NRG1: variants seen among roughly 807,000 people sequenced by gnomAD.
NRG1 encodes neuregulin 1.
NRG1 carries 18 observed loss-of-function variants against 63.8 expected under a neutral mutation model. The ratio of observed to expected loss-of-function variants is 0.28; its 90% CI spans 0.19 to 0.42. The LOEUF (loss-of-function observed/expected upper bound fraction) is 0.42, where lower values mean the gene tolerates loss of function less well. Ranked by LOEUF, NRG1 falls within the 10% of genes least tolerant of loss-of-function variation. The pLI is 1.00. For synonymous variants in NRG1, 302 were observed against 301.3 expected (o/e 1.00, Z -0.02); for missense variants, 762 against 814.7 (o/e 0.94, Z 0.79).
Position 32,648,034 on chromosome 8 carries a change from A to G in NRG1, c.502+31149A>G, listed in dbSNP as rs2129546911. On this transcript the variant is annotated intron_variant, in intron 5 of 11. Coordinates refer to ENST00000356819, the Ensembl canonical transcript of NRG1. The stretch of plus-strand genomic sequence containing the variant: ...GTATTTGTGGACAAGATCTTTGAAT[A>G]TGACTCTCCTACTCACCTTGACCCT... 4.3e-6 allele frequency: 7 copies of G among 1,613,912 alleles called. No homozygotes were observed. The East Asian group carries it at 1.3e-4, about 31-fold the overall frequency.
intron 1 of NRG1, among the ~76,000 whole-genome samples, chr8:32,332,349 A>G (rs1802752564): frequency 6.6e-6 from 1 of 152,090 alleles, no homozygotes; most frequent in Non-Finnish European, 1.5e-5. Context: ...GGCCAAGTCC[A>G]TGCTCAGCAT....
intron 1 of NRG1, among the ~76,000 whole-genome samples, chr8:31,715,815 T>C (rs771695806): frequency 2.0e-5 from 3 of 152,132 alleles, no homozygotes; most frequent in Non-Finnish European, 4.4e-5. Context: ...AACTACTATA[T>C]GGATTGGGAT....
At chr8:31,989,253 C>CAAAAAAAAAAAAAAAAAAAAA (rs10692906) in intron 1 of NRG1, among the ~76,000 whole-genome samples, 76 of 47,476 alleles carry the variant, frequency 1.6e-3, no homozygotes, top group African/African-American at 2.3e-3. Context: ...GACTCTGTCT[C>CAAAAAAAAAAAAAAAAAAAAA]AAAAAAAAAA....
chr8:32,066,522 G>C lies in NRG1; in HGVS notation c.37+427091G>C, dbSNP rs546235643. On this transcript the variant is annotated intron_variant, in intron 1 of 10. Coordinates refer to the NRG1 transcript ENST00000519301. ...TAGATATGCAGCATTATTTCTGAGG[G>C]CTCTGTTCTGTTCCATTGGTCTATA... 3.2e-3 allele frequency among the ~76,000 whole-genome samples: 482 copies of C among 152,026 alleles called. 5 individuals carry two copies. The highest frequency in any genetic ancestry group is 0.011 in the African/African-American group (462 of 41,490).
intron 1 of NRG1, among the ~76,000 whole-genome samples, chr8:32,107,564 T>C (rs1470450276): frequency 6.6e-6 from 1 of 152,218 alleles, no homozygotes; most frequent in African/African-American, 2.4e-5. Flanking sequence ...TTCTTGATTT[T>C]TTTATTGTTA....
intron 1 of NRG1, among the ~76,000 whole-genome samples, chr8:31,933,852 A>G (rs879569441): frequency 3.3e-5 from 5 of 152,212 alleles, no homozygotes; most frequent in Admixed American, 6.5e-5. Flanking sequence ...CTTGTAGTCA[A>G]TAGTAACATT....
At chr8:32,224,962 T>C (rs553709737) in intron 1 of NRG1, among the ~76,000 whole-genome samples, 3 of 152,282 alleles carry the variant, frequency 2.0e-5, no homozygotes, top group South Asian at 4.1e-4. Context: ...TTCTGAGTCA[T>C]GATAAAGATG....
chr8:31,714,918 AT>A (rs893623529), intron 1 of NRG1, among the ~76,000 whole-genome samples: 10 of 151,716 alleles, frequency 6.6e-5, no homozygotes, highest in South Asian at 6.3e-4. Context: ...TAGCCTTGTG[AT>A]TTTTTTTTCT....
chr8:31,720,559 T>A lies in NRG1; in HGVS notation c.37+81128T>A, dbSNP rs148048231. On this transcript the variant is annotated intron_variant, in intron 1 of 10. Transcript: ENST00000519301. ...CGTGTCCATGTGTTCTCATCATTCATCTCCCACTTATGAGTGAGAACATGC... is the reference window on the plus strand; with the variant it reads ...CGTGTCCATGTGTTCTCATCATTCAACTCCCACTTATGAGTGAGAACATGC... Among the ~76,000 whole-genome samples the A allele has an allele frequency of 3.9e-3, 601 of 152,296 alleles. 8 individuals carry two copies. The highest frequency in any genetic ancestry group is 0.013 in the African/African-American group (525 of 41,566).
At chr8:32,618,615 T>A (rs1203762048) in intron 5 of NRG1, among the ~76,000 whole-genome samples, 1 of 152,172 alleles carries the variant, frequency 6.6e-6, no homozygotes, top group African/African-American at 2.4e-5. Flanking sequence ...AATGTGCCAT[T>A]TTCACACATC....
rs71992716 is a variant in NRG1 at position 31,840,349 on chromosome 8, C to CT, written c.37+200935dup. Among the ~76,000 whole-genome samples the CT allele has an allele frequency of 1.9e-3, 220 of 116,846 alleles. 3 individuals are homozygous for CT. The highest frequency in any genetic ancestry group is 5.1e-3 in the Admixed American group (53 of 10,328). The allele number at this position is 116,846 out of a possible 152,430, so 76.7% of individuals were successfully genotyped here. A position where few individuals can be genotyped will look rare whatever the true frequency, so the allele number is the denominator to read the frequency against. On this transcript the variant is annotated intron_variant, in intron 1 of 10. Transcript: ENST00000519301. ...AAAGGTCAAATGTGCTATTCTCTGT[C>CT]TTTTTTTTTTTTTTTTTGGTCTGAA... is the stretch of plus-strand genomic sequence containing the variant.
chr8:32,150,418 T>A, intron 1 of NRG1, among the ~76,000 whole-genome samples: 1 of 152,278 alleles, frequency 6.6e-6, no homozygotes, highest in Middle Eastern at 3.4e-3. Context: ...GGGGAACTGA[T>A]TAAGTCATGA....
intron 1 of NRG1, among the ~76,000 whole-genome samples, chr8:32,537,876 G>C (rs1789610686): frequency 6.6e-6 from 1 of 152,110 alleles, no homozygotes; most frequent in Non-Finnish European, 1.5e-5. Context: ...TTTTGAGACA[G>C]AGTCTCGCTC....
intron 1 of NRG1, among the ~76,000 whole-genome samples, chr8:32,346,631 A>C (rs1294602285): frequency 6.6e-6 from 1 of 152,048 alleles, no homozygotes; most frequent in Non-Finnish European, 1.5e-5. Context: ...TTTCCTCACC[A>C]AATAAGGAAC....
intron 1 of NRG1, among the ~76,000 whole-genome samples, chr8:32,439,655 G>T (rs1819260684): frequency 6.6e-6 from 1 of 151,872 alleles, no homozygotes; most frequent in South Asian, 2.1e-4. Flanking sequence ...TAGCTAAATA[G>T]CACTATAAGA....
chr8:32,059,779 T>TTA (rs1263352555), intron 1 of NRG1, among the ~76,000 whole-genome samples: 2 of 152,034 alleles, frequency 1.3e-5, no homozygotes, highest in Admixed American at 1.3e-4. Context: ...ACTTCTTGGT[T>TTA]TATAGATTAA....
chr8:32,213,725 G>T (rs1430672250), intron 1 of NRG1, among the ~76,000 whole-genome samples: 1 of 152,128 alleles, frequency 6.6e-6, no homozygotes, highest in Admixed American at 6.5e-5. Context: ...TGTAGAGGAA[G>T]AAAAATTCTT....
At chr8:32,243,962 G>A (rs1328502069) in intron 1 of NRG1, among the ~76,000 whole-genome samples, 2 of 152,088 alleles carry the variant, frequency 1.3e-5, no homozygotes, top group African/African-American at 4.8e-5. Context: ...GGAACTGCAG[G>A]AAATCGACGT....
chr8:31,775,542 C>T, intron 1 of NRG1, among the ~76,000 whole-genome samples: 1 of 152,120 alleles, frequency 6.6e-6, no homozygotes. Context: ...CACCACTACA[C>T]AGTATATCAA....
Sources: allele counts gnomAD v4.1 joint callset (sites outside exome capture counted in the v4.1 genomes callset), GRCh38; gene constraint gnomAD v4.1.1; transcripts MANE v1.5; gene names NCBI Gene and HGNC (gene_info 2026-07-23, HGNC 2026-07-21).